The following GPC5 variants were observed in gnomAD, a reference collection of about 807,000 sequenced individuals.
GPC5 encodes glypican-5.
In GPC5, 47 loss-of-function variants were observed where a neutral mutation model predicts 53.9. The ratio of observed to expected loss-of-function variants is 0.87; its 90% CI spans 0.69 to 1.11. GPC5 has a LOEUF of 1.11. Among genes scored for constraint, GPC5 ranks in the 50% most tolerant of loss-of-function variants. The pLI, the probability that GPC5 is intolerant of heterozygous loss-of-function variation, is 0.00. For missense variants in GPC5, 748 were observed against 713.1 expected (o/e 1.05, Z -0.56); for synonymous variants, 286 against 263.3 (o/e 1.09, Z -0.84).
intron 2 of GPC5, among the ~76,000 whole-genome samples, chr13:91,499,179 A>C (rs1388639585): frequency 6.6e-6 from 1 of 152,116 alleles, no homozygotes; most frequent in Non-Finnish European, 1.5e-5. Flanking sequence ...TTGGGTTTCC[A>C]CCTCAGGTAA....
intron 6 of GPC5, among the ~76,000 whole-genome samples, chr13:91,920,937 T>C (rs1368388022): frequency 3.9e-5 from 5 of 129,582 alleles, no homozygotes; most frequent in East Asian, 4.2e-4. Flanking sequence ...TTTTTTTTTT[T>C]TTTTTTTTTT....
chr13:91,753,901 T>C (rs2037232798), intron 4 of GPC5, among the ~76,000 whole-genome samples: 1 of 152,186 alleles, frequency 6.6e-6, no homozygotes, highest in South Asian at 2.1e-4. Context: ...TTGTAGGTTT[T>C]CCCCAAAATG....
chr13:92,439,306 A>G (rs990614198), intron 7 of GPC5, among the ~76,000 whole-genome samples: 3 of 152,204 alleles, frequency 2.0e-5, no homozygotes, highest in African/African-American at 4.8e-5. Context: ...ATGCTATAGA[A>G]AAGTCCTATA....
At chr13:92,792,881 AAAGC>A (rs745544849) in intron 7 of GPC5, among the ~76,000 whole-genome samples, 32 of 152,290 alleles carry the variant, frequency 2.1e-4, no homozygotes, top group Non-Finnish European at 4.4e-4. Flanking sequence ...CCAGATTCAT[AAAGC>A]AAGTCCTTAG....
At chr13:91,963,838 GGAA>G (rs1299496650) in intron 6 of GPC5, among the ~76,000 whole-genome samples, 2 of 152,112 alleles carry the variant, frequency 1.3e-5, no homozygotes, top group Admixed American at 6.6e-5. Context: ...GAAATTAAAT[GGAA>G]GAAGCATCAA....
chr13:92,371,267 T>C (rs2043648060), intron 7 of GPC5, among the ~76,000 whole-genome samples: 2 of 152,228 alleles, frequency 1.3e-5, no homozygotes, highest in South Asian at 4.1e-4. Flanking sequence ...GTGAACTAAA[T>C]GTGGTAGGCA....
At chr13:91,503,816 T>TAATAAC (rs1555316249) in intron 2 of GPC5, among the ~76,000 whole-genome samples, 1 of 147,798 alleles carries the variant, frequency 6.8e-6, no homozygotes, top group Non-Finnish European at 1.5e-5. Flanking sequence ...ATAATAATAA[T>TAATAAC]AATCAGGCTG....
intron 6 of GPC5, among the ~76,000 whole-genome samples, chr13:92,000,640 C>T (rs2040545660): frequency 2.6e-5 from 4 of 152,056 alleles, no homozygotes; most frequent in Admixed American, 2.6e-4. Flanking sequence ...GATATGCTGT[C>T]TGCGTGCCCT....
At chr13:92,463,923 C>T (rs1021487728) in intron 7 of GPC5, among the ~76,000 whole-genome samples, 5 of 151,944 alleles carry the variant, frequency 3.3e-5, no homozygotes, top group African/African-American at 7.2e-5. Context: ...TCTTGGCACA[C>T]TTGGTTTTTG....
intron 7 of GPC5, among the ~76,000 whole-genome samples, chr13:92,421,816 A>G (rs901404459): frequency 6.6e-6 from 1 of 151,988 alleles, no homozygotes; most frequent in African/African-American, 2.4e-5. Context: ...CGGTGTCTTC[A>G]TATAGCCAGA....
intron 2 of GPC5, among the ~76,000 whole-genome samples, chr13:91,555,257 T>A (rs117563477): frequency 5.3e-5 from 8 of 151,990 alleles, no homozygotes; most frequent in Non-Finnish European, 1.2e-4. Context: ...ACTATACGTA[T>A]GCAAAAACAT....
intron 7 of GPC5, among the ~76,000 whole-genome samples, chr13:92,164,708 C>A (rs941084834): frequency 1.3e-5 from 2 of 152,134 alleles, no homozygotes; most frequent in Non-Finnish European, 2.9e-5. Context: ...TAGATAGTGC[C>A]CCAGTGGGGA....
At chr13:92,778,431 T>G (rs1875895571) in intron 7 of GPC5, among the ~76,000 whole-genome samples, 1 of 152,186 alleles carries the variant, frequency 6.6e-6, no homozygotes, top group Non-Finnish European at 1.5e-5. Flanking sequence ...TCTTAAAAAT[T>G]TAATTAAATT....
chr13:92,312,165 G>A (rs1321182915), intron 7 of GPC5, among the ~76,000 whole-genome samples: 2 of 152,094 alleles, frequency 1.3e-5, no homozygotes, highest in East Asian at 1.9e-4. Context: ...GGCTAAGTTA[G>A]GTTTAAAATA....
intron 7 of GPC5, among the ~76,000 whole-genome samples, chr13:92,774,171 C>T (rs753322366): frequency 7.2e-5 from 11 of 152,202 alleles, no homozygotes; most frequent in African/African-American, 2.7e-4. Context: ...ATATTTCACA[C>T]ATAAAGCCCT....
At chr13:91,701,733 T>C (rs2035997322) in intron 3 of GPC5, among the ~76,000 whole-genome samples, 1 of 152,146 alleles carries the variant, frequency 6.6e-6, no homozygotes, top group Admixed American at 6.6e-5. Context: ...TCTTGACTAT[T>C]GTGAATACTG....
At chr13:92,769,818 G>C (rs1221919424) in intron 7 of GPC5, among the ~76,000 whole-genome samples, 2 of 152,170 alleles carry the variant, frequency 1.3e-5, no homozygotes, top group Admixed American at 1.3e-4. Context: ...CTAAATGACA[G>C]TTTACTGCCC....
chr13:91,973,085 C>T (rs2040259881), intron 6 of GPC5, among the ~76,000 whole-genome samples: 1 of 152,158 alleles, frequency 6.6e-6, no homozygotes, highest in Admixed American at 6.5e-5. Context: ...TCCATTCTCC[C>T]CGTCACTTTC....
chr13:92,613,390 TATAA>T (rs1177753713), intron 7 of GPC5, among the ~76,000 whole-genome samples: 9 of 68,806 alleles, frequency 1.3e-4, no homozygotes, highest in African/African-American at 3.7e-4. Context: ...TTATATTATA[TATAA>T]ATATATATTA....
Sources: allele counts gnomAD v4.1 joint callset (sites outside exome capture counted in the v4.1 genomes callset), GRCh38; gene constraint gnomAD v4.1.1; transcripts MANE v1.5; gene names NCBI Gene and HGNC (gene_info 2026-07-23, HGNC 2026-07-21).